The following DLG2 variants were observed in gnomAD, a reference collection of about 807,000 sequenced individuals.
DLG2 encodes the protein disks large homolog 2.
Under a neutral mutation model 132.5 loss-of-function variants are expected in DLG2, and 45 were observed. The ratio of observed to expected loss-of-function variants is 0.34; its 90% CI spans 0.27 to 0.44. The LOEUF (loss-of-function observed/expected upper bound fraction) is 0.44. Ranked by LOEUF, DLG2 falls within the 20% of genes least tolerant of loss-of-function variation. The pLI is 1.00. For synonymous variants in DLG2, 424 were observed against 419.6 expected (o/e 1.01, Z -0.13); for missense variants, 1,045 against 1,196.9 (o/e 0.87, Z 1.87).
chr11:85,079,029 G>A (rs535846580), intron 6 of DLG2, among the ~76,000 whole-genome samples: 1 of 151,956 alleles, frequency 6.6e-6, no homozygotes, highest in Non-Finnish European at 1.5e-5. Context: ...TTTAGGGGGG[G>A]GGTCTGAGAC....
intron 11 of DLG2, among the ~76,000 whole-genome samples, chr11:84,019,172 TA>T (rs965506935): frequency 3.9e-5 from 6 of 151,922 alleles, no homozygotes; most frequent in Non-Finnish European, 8.8e-5. Context: ...AACAAAATGG[TA>T]AAAAAAATGC....
At chr11:84,986,677 T>C (rs1461942656) in intron 6 of DLG2, among the ~76,000 whole-genome samples, 3 of 152,138 alleles carry the variant, frequency 2.0e-5, no homozygotes, top group Non-Finnish European at 1.5e-5. Context: ...ATCATCTCAA[T>C]AGATGCGGAA....
intron 7 of DLG2, among the ~76,000 whole-genome samples, chr11:84,508,599 C>G (rs944017554): frequency 5.3e-5 from 8 of 152,014 alleles, no homozygotes; most frequent in African/African-American, 1.7e-4. Flanking sequence ...AGGGTTTCAC[C>G]GTGTTGGCCA....
intron 18 of DLG2, among the ~76,000 whole-genome samples, chr11:83,633,743 A>AACACAC (rs35932645): frequency 0.13 from 18,690 of 143,112 alleles, 1,236 homozygotes; most frequent in Non-Finnish European, 0.15. Flanking sequence ...CACAGAACTA[A>AACACAC]ACACACACAC....
chr11:84,212,003 A>G (rs1287551510), intron 8 of DLG2, among the ~76,000 whole-genome samples: 2 of 152,212 alleles, frequency 1.3e-5, no homozygotes, highest in Non-Finnish European at 2.9e-5. Flanking sequence ...GCATATAAAC[A>G]GTTATGCCAA....
At chr11:85,224,941 T>G (rs936244709) in intron 4 of DLG2, among the ~76,000 whole-genome samples, 1 of 152,192 alleles carries the variant, frequency 6.6e-6, no homozygotes, top group African/African-American at 2.4e-5. Flanking sequence ...TTTCTTTATT[T>G]TATAAGTTTT....
chr11:84,661,676 T>TA (rs1295302448), intron 6 of DLG2, among the ~76,000 whole-genome samples: 2 of 152,072 alleles, frequency 1.3e-5, no homozygotes, highest in Non-Finnish European at 2.9e-5. Flanking sequence ...CACAATTCAG[T>TA]ATATTTGTGT....
chr11:85,201,291 A>C (rs980268838), intron 4 of DLG2, among the ~76,000 whole-genome samples: 7 of 152,184 alleles, frequency 4.6e-5, no homozygotes, highest in African/African-American at 1.7e-4. Flanking sequence ...AAACAGTCTC[A>C]CCAATCTCCT....
At chr11:84,532,826 C>A (rs2099346118) in intron 7 of DLG2, among the ~76,000 whole-genome samples, 1 of 152,092 alleles carries the variant, frequency 6.6e-6, no homozygotes, top group Non-Finnish European at 1.5e-5. Flanking sequence ...GTTTTTCAAC[C>A]AGTTTGAAAG....
intron 7 of DLG2, among the ~76,000 whole-genome samples, chr11:84,337,490 T>A (rs960664836): frequency 6.6e-6 from 1 of 152,222 alleles, no homozygotes; most frequent in Non-Finnish European, 1.5e-5. Flanking sequence ...ACTTTTTCTA[T>A]GTGTATATAT....
intron 15 of DLG2, among the ~76,000 whole-genome samples, chr11:83,889,702 A>G (rs2069106380): frequency 6.6e-6 from 1 of 152,116 alleles, no homozygotes; most frequent in African/African-American, 2.4e-5. Context: ...AAGACTTGGA[A>G]CCAACCCAAA....
chr11:83,856,505 A>G (rs2060554638), intron 16 of DLG2, among the ~76,000 whole-genome samples: 1 of 151,930 alleles, frequency 6.6e-6, no homozygotes, highest in South Asian at 2.1e-4. Flanking sequence ...TTGTTTTTTG[A>G]CTTTTTGATA....
chr11:85,365,134 CT>C (rs1450253675), intron 3 of DLG2, among the ~76,000 whole-genome samples: 3 of 152,070 alleles, frequency 2.0e-5, no homozygotes, highest in African/African-American at 7.2e-5. Flanking sequence ...AAAAATCTAA[CT>C]TAAAAAAAAT....
chr11:85,196,857 C>T (rs537430754), intron 4 of DLG2, among the ~76,000 whole-genome samples: 2 of 152,150 alleles, frequency 1.3e-5, no homozygotes, highest in Non-Finnish European at 2.9e-5. Flanking sequence ...TAAGTCTTCA[C>T]GCACATGCAG....
At chr11:84,361,785 G>A (rs1278371475) in intron 7 of DLG2, among the ~76,000 whole-genome samples, 1 of 151,970 alleles carries the variant, frequency 6.6e-6, no homozygotes, top group Non-Finnish European at 1.5e-5. Flanking sequence ...GGTATGTGCA[G>A]AGTTAAAAGC....
At chr11:85,356,105 T>G (rs966305551) in intron 3 of DLG2, among the ~76,000 whole-genome samples, 1 of 152,184 alleles carries the variant, frequency 6.6e-6, no homozygotes, top group African/African-American at 2.4e-5. Flanking sequence ...AATTTCATAT[T>G]GCACATAAAA....
intron 3 of DLG2, among the ~76,000 whole-genome samples, chr11:85,325,153 G>A (rs1339067036): frequency 7.1e-6 from 1 of 140,294 alleles, no homozygotes; most frequent in East Asian, 2.1e-4. Context: ...TGCTAGCACA[G>A]CAGTCTGAGA....
chr11:84,446,358 C>T lies in DLG2; in HGVS notation c.519+88212G>A, dbSNP rs534452213. On this transcript the variant is annotated intron_variant, in intron 7 of 27. Transcript: ENST00000376104. ...ATTTTTATTCCCTAATTTTCCTGAA[C>T]GTCTAATCTCACTGGTTTCACTCAT... is the stretch of plus-strand genomic sequence containing the variant. 2.6e-5 allele frequency among the ~76,000 whole-genome samples: 4 copies of T among 152,008 alleles called. No individual in the cohort carries two copies. The South Asian group carries it at 8.3e-4, about 32-fold the overall frequency.
At chr11:84,558,012 G>C (rs992561726) in intron 6 of DLG2, among the ~76,000 whole-genome samples, 2 of 152,014 alleles carry the variant, frequency 1.3e-5, no homozygotes, top group Non-Finnish European at 2.9e-5. Context: ...CACTTATAAC[G>C]TGACTATATA....
Sources: allele counts gnomAD v4.1 joint callset (sites outside exome capture counted in the v4.1 genomes callset), GRCh38; gene constraint gnomAD v4.1.1; transcripts MANE v1.5; gene names NCBI Gene and HGNC (gene_info 2026-07-23, HGNC 2026-07-21).